Variants in ATP9B observed in about 807,000 individuals in gnomAD.
ATP9B encodes ATPase phospholipid transporting 9B, also known as probable phospholipid-transporting ATPase IIB.
ATP9B carries 110 observed loss-of-function variants against 146.1 expected under a neutral mutation model. The ratio of observed to expected loss-of-function variants is 0.75; its 90% CI spans 0.65 to 0.88. The LOEUF (loss-of-function observed/expected upper bound fraction) is 0.88. Ranked by LOEUF, ATP9B falls within the 40% of genes least tolerant of loss-of-function variation. The probability of loss-of-function intolerance (pLI) is 0.00; values close to 1 mark genes in which losing one functional copy is unlikely to be tolerated. For missense variants in ATP9B, 1,499 were observed against 1,496.4 expected, an observed-to-expected ratio of 1.00 and a Z score of -0.03; for synonymous variants, 604 against 569.7, an observed-to-expected ratio of 1.06 and a Z score of -0.86.
chr18:79,302,335 AC>A (rs1186332823), intron 13 of ATP9B, among the ~76,000 whole-genome samples: 1 of 143,720 alleles, frequency 7.0e-6, no homozygotes, highest in Non-Finnish European at 1.5e-5. Flanking sequence ...AAGTGCACAC[AC>A]CCCCCGGGGA....
intron 13 of ATP9B, among the ~76,000 whole-genome samples, chr18:79,290,710 T>G (rs1191794126): frequency 6.6e-6 from 1 of 152,242 alleles, no homozygotes; most frequent in Non-Finnish European, 1.5e-5. Context: ...TCTGCCTTGC[T>G]CACGCTGGGA....
At chr18:79,361,703 A>ATAACTATTTT in intron 26 of ATP9B, 3 of 877,712 alleles carry the variant, frequency 3.4e-6, no homozygotes, top group Non-Finnish European at 4.1e-6. Flanking sequence ...TTGAAGCTAA[A>ATAACTATTTT]GAACTATTTT....
chr18:79,161,666 G>A (rs1331135750), intron 7 of ATP9B, among the ~76,000 whole-genome samples: 1 of 152,148 alleles, frequency 6.6e-6, no homozygotes, highest in Admixed American at 6.5e-5. Flanking sequence ...GGCTAACATG[G>A]TGAAACGCCA....
rs569337910 is a variant in ATP9B at position 79,341,630 on chromosome 18, G to A, written c.2284-638G>A. The stretch of plus-strand genomic sequence containing the variant: ...TTAGTTGTGGTTGGATGTGTGTAGC[G>A]TGACCTGTTGAAGCCTGCGTTGCCA... On this transcript the variant is annotated intron_variant, in intron 19 of 29. Coordinates refer to ENST00000426216, the MANE Select transcript of ATP9B (RefSeq NM_198531.5). Among the ~76,000 whole-genome samples the A allele has an allele frequency of 5.1e-5, 7 of 137,110 alleles. No homozygotes were observed. The South Asian group carries it at 7.5e-4, about 15-fold the overall frequency. 89.9% of individuals were successfully genotyped at this position (137,110 alleles called of 152,430 possible). A position where few individuals can be genotyped will look rare whatever the true frequency, so the allele number is the denominator to read the frequency against.
chr18:79,150,056 G>A (rs1447913127), intron 6 of ATP9B, among the ~76,000 whole-genome samples: 1 of 151,478 alleles, frequency 6.6e-6, no homozygotes, highest in East Asian at 1.9e-4. Context: ...ACTCCAGCCT[G>A]GTGACAGAGC....
intron 13 of ATP9B, among the ~76,000 whole-genome samples, chr18:79,289,368 T>G (rs1444457356): frequency 2.0e-5 from 3 of 152,218 alleles, no homozygotes; most frequent in Non-Finnish European, 4.4e-5. Flanking sequence ...ATTCATTTCA[T>G]CTTCCATCAC....
intron 15 of ATP9B, among the ~76,000 whole-genome samples, chr18:79,311,068 C>G (rs1008400650): frequency 3.9e-5 from 6 of 152,066 alleles, no homozygotes; most frequent in Admixed American, 3.3e-4. Context: ...AGGAGAATTG[C>G]TTGAACCCAG....
chr18:79,191,717 G>A (rs2095368650), intron 8 of ATP9B, among the ~76,000 whole-genome samples: 1 of 152,156 alleles, frequency 6.6e-6, no homozygotes, highest in Non-Finnish European at 1.5e-5. Context: ...CTCGTTAGGA[G>A]CATGTTTTTC....
At chr18:79,219,257 G>T (rs2095655994) in intron 11 of ATP9B, among the ~76,000 whole-genome samples, 1 of 152,150 alleles carries the variant, frequency 6.6e-6, no homozygotes, top group South Asian at 2.1e-4. Context: ...AGAGAGTGCT[G>T]TGTTGAGGGA....
chr18:79,317,967 G>A (rs981433039), intron 15 of ATP9B, among the ~76,000 whole-genome samples: 13 of 152,254 alleles, frequency 8.5e-5, no homozygotes, highest in African/African-American at 3.1e-4. Context: ...GGACACAGAA[G>A]CCAACTGGAA....
At chr18:79,101,615 T>C (rs1277054049) in intron 2 of ATP9B, among the ~76,000 whole-genome samples, 2 of 152,038 alleles carry the variant, frequency 1.3e-5, no homozygotes, top group East Asian at 1.9e-4. Flanking sequence ...TGCCAAAATA[T>C]TTCCCAGAGT....
intron 6 of ATP9B, chr18:79,146,293 A>G (rs1439268145): frequency 6.3e-6 from 1 of 159,192 alleles, no homozygotes; most frequent in Non-Finnish European, 1.2e-5. Flanking sequence ...CGGTGTGCAC[A>G]GTGACTGAAG....
Position 79,344,320 on chromosome 18 carries a change from A to G in ATP9B, c.2438A>G (p.Asp813Gly), listed in dbSNP as rs141182661. 912 of 1,614,080 alleles carry G rather than the reference A, an allele frequency of 5.7e-4. 2 individuals carry two copies. Among genetic ancestry groups the G allele is most frequent in the Non-Finnish European group, 7.4e-4 (877 of 1,180,036 alleles). Residue 813 changes from aspartate to glycine, a missense_variant, in exon 21 of 30, where the codon GAT (aspartate) becomes GGT (glycine). Asp to Gly is a moderately conservative substitution (Grantham distance 94). Coordinates refer to ENST00000426216, the MANE Select transcript of ATP9B (RefSeq NM_198531.5). Reference sequence around the variant, plus strand: ...CTGAATGCATTTCGAAGGAAGCATGATTGTGCACTAGTCATATCTGGGGAC... The same window carrying G: ...CTGAATGCATTTCGAAGGAAGCATGGTTGTGCACTAGTCATATCTGGGGAC... Reference protein sequence around the residue: ...LELNAFRRKHDCALVISGDSL... With the variant: ...LELNAFRRKHGCALVISGDSL...
chr18:79,179,776 G>C (rs1427169406), intron 8 of ATP9B, among the ~76,000 whole-genome samples: 1 of 152,152 alleles, frequency 6.6e-6, no homozygotes, highest in Non-Finnish European at 1.5e-5. Context: ...CTATTGCCTG[G>C]ATGTTCTGTA....
chr18:79,072,714 C>A (rs988329612), intron 1 of ATP9B, among the ~76,000 whole-genome samples: 1 of 86,874 alleles, frequency 1.2e-5, no homozygotes, highest in African/African-American at 3.9e-5. Flanking sequence ...CCCCCACCTC[C>A]CAGACCAGGC....
At chr18:79,256,337 C>G (rs2096081142) in intron 12 of ATP9B, among the ~76,000 whole-genome samples, 1 of 144,196 alleles carries the variant, frequency 6.9e-6, no homozygotes, top group South Asian at 2.2e-4. Flanking sequence ...TAGAATAGCT[C>G]TTATTATTCT....
At chr18:79,291,512 A>T (rs1599678875) in intron 13 of ATP9B, among the ~76,000 whole-genome samples, 1 of 152,234 alleles carries the variant, frequency 6.6e-6, no homozygotes, top group East Asian at 1.9e-4. Flanking sequence ...TTAAAAAATC[A>T]TCGAGATTTA....
chr18:79,231,416 A>G (rs1175157017), intron 11 of ATP9B, among the ~76,000 whole-genome samples: 1 of 152,236 alleles, frequency 6.6e-6, no homozygotes, highest in African/African-American at 2.4e-5. Flanking sequence ...ACGAATTATC[A>G]GGGAAATGCA....
At chr18:79,200,765 TGG>T (rs2095475179) in intron 9 of ATP9B, among the ~76,000 whole-genome samples, 1 of 25,566 alleles carries the variant, frequency 3.9e-5, no homozygotes. Context: ...GTGGGAACGT[TGG>T]GGTCAGAGCA....
Sources: allele counts gnomAD v4.1 joint callset (sites outside exome capture counted in the v4.1 genomes callset), GRCh38; gene constraint gnomAD v4.1.1; transcripts MANE v1.5; gene names NCBI Gene and HGNC (gene_info 2026-07-23, HGNC 2026-07-21).